Variants in ODF2 observed in about 807,000 individuals in gnomAD.
The protein encoded by ODF2 is outer dense fiber of sperm tails 2, also known as outer dense fiber protein 2.
ODF2 carries 47 observed loss-of-function variants against 110.2 expected under a neutral mutation model. That is an observed-to-expected ratio of 0.43 (90% CI 0.34 to 0.54). The LOEUF (loss-of-function observed/expected upper bound fraction) is 0.54, where lower values mean the gene tolerates loss of function less well. ODF2 is among the 20% of genes least tolerant of loss of function. The pLI, the probability that ODF2 is intolerant of heterozygous loss-of-function variation, is 0.03. For synonymous variants in ODF2, 352 were observed against 397.7 expected (o/e 0.89, Z 1.37); for missense variants, 812 against 1,054.5 (o/e 0.77, Z 3.19).
intron 3 of ODF2, 133 bp from the exon 3 acceptor site, chr9:128,460,417 T>C: frequency 6.8e-7 from 1 of 1,468,792 alleles, no homozygotes; most frequent in Non-Finnish European, 9.1e-7. Flanking sequence ...TGCATGCCAG[T>C]AGTTGGTAGC....
chr9:128,481,521 T>C (rs1388766360), intron 8 of ODF2, 59 bp from the exon 9 acceptor site: 1 of 1,294,240 alleles, frequency 7.7e-7, no homozygotes, highest in Non-Finnish European at 1.1e-6. Flanking sequence ...ATCAATAAAA[T>C]GTAGACATCT....
At chr9:128,471,243 C>A in intron 5 of ODF2, 65 bp from the exon 6 acceptor site, 1 of 1,498,180 alleles carries the variant, frequency 6.7e-7, no homozygotes, top group Non-Finnish European at 9.0e-7. Flanking sequence ...AAGCATTGAG[C>A]CTAGCAATGT....
chr9:128,457,573 T>A, intron 2 of ODF2: 1 of 1,170,538 alleles, frequency 8.5e-7, no homozygotes, highest in Non-Finnish European at 1.2e-6. Context: ...TTAAAAATCG[T>A]TTTTAAAGGG....
chr9:128,476,188 A>G (rs1841222387), intron 8 of ODF2, among the ~76,000 whole-genome samples: 1 of 152,190 alleles, frequency 6.6e-6, no homozygotes, highest in Admixed American at 6.6e-5. Flanking sequence ...AATATTGCAG[A>G]AAAGACTGAC....
intron 3 of ODF2, among the ~76,000 whole-genome samples, chr9:128,459,907 A>C (rs1835971703): frequency 6.6e-6 from 1 of 152,138 alleles, no homozygotes; most frequent in African/African-American, 2.4e-5. Flanking sequence ...GAGATTTTTA[A>C]AATAAAGGAA....
At chr9:128,460,161 A>T (rs542569772) in intron 3 of ODF2, 1 of 1,298,476 alleles carries the variant, frequency 7.7e-7, no homozygotes, top group East Asian at 5.4e-5. Context: ...TGCCCAGTTG[A>T]GATCACTGTG....
chr9:128,457,158 C>A, intron 1 of ODF2: 1 of 1,499,446 alleles, frequency 6.7e-7, no homozygotes, highest in Non-Finnish European at 8.9e-7. Context: ...CCTCTGCCCC[C>A]AGGTCGCTCA....
At chr9:128,465,773 A>G (rs1393255471) in intron 4 of ODF2, among the ~76,000 whole-genome samples, 2 of 151,612 alleles carry the variant, frequency 1.3e-5, no homozygotes, top group Admixed American at 6.6e-5. Context: ...ATTTTTATTT[A>G]GGGAAATTTG....
At position 128,485,542 on chromosome 9, in the gene ODF2, C is replaced by T; in HGVS notation, c.1400+68C>T. On this transcript the variant is annotated intron_variant, in intron 13 of 20. Transcript: ENST00000604420. This position sits in a 1 kb window ranked among gnomAD's most constrained non-coding sequence, Gnocchi z 5.0. ...ACTTGGGTGTGCAGGTGGGAGGGGC[C>T]TAGTGGCTCAGGGAAGGCCACGTGG... The T allele has an allele frequency of 2.3e-6, 2 of 872,506 alleles. No homozygotes were observed. Among genetic ancestry groups the T allele is most frequent in the Admixed American group, 2.0e-5 (1 of 49,500 alleles). The allele number at this position is 872,506 out of a possible 1,614,324, so 54.0% of individuals were successfully genotyped here.
At chr9:128,500,018 C>T (rs1846286500) in intron 20 of ODF2, 49 bp from the exon 21 acceptor site, 1 of 1,603,536 alleles carries the variant, frequency 6.2e-7, no homozygotes, top group Non-Finnish European at 8.5e-7. Context: ...CTATGGATTT[C>T]TATTTTGGAC....
chr9:128,485,154 G>A lies in ODF2; in HGVS notation c.1291-211G>A, dbSNP rs1165165097. On this transcript the variant is annotated intron_variant, in intron 12 of 20. Transcript: ENST00000604420. The surrounding 1 kb of genome is among the most constrained non-coding windows in gnomAD (Gnocchi z 5.0). ...GTGGGTGAGAATAATGGTTAAGGAA[G>A]GATTTACAAACAGGATGCATTTGAT... 6.6e-6 allele frequency among the ~76,000 whole-genome samples: 1 copy of A among 152,118 alleles called. No individual in the cohort carries two copies. Among genetic ancestry groups the A allele is most frequent in the East Asian group, 1.9e-4 (1 of 5,188 alleles).
rs958357559 is a variant in ODF2, at chr9:128,485,798, C to T, written c.1400+324C>T. On this transcript the variant is annotated intron_variant, in intron 13 of 20. Coordinates refer to ENST00000604420, the Ensembl canonical transcript of ODF2. This position sits in a 1 kb window ranked among gnomAD's most constrained non-coding sequence, Gnocchi z 5.0. ...TCTACACAGCATTTGAAATGGGCACCGTGGTGTCCTCATTCCTATTGGGGA... is the reference window on the plus strand; with the variant it reads ...TCTACACAGCATTTGAAATGGGCACTGTGGTGTCCTCATTCCTATTGGGGA... Among the ~76,000 whole-genome samples the T allele has an allele frequency of 1.3e-5, 2 of 152,104 alleles. No individual in the cohort carries two copies. Among genetic ancestry groups the T allele is most frequent in the African/African-American group, 2.4e-5 (1 of 41,416 alleles).
At chr9:128,492,021 A>G (rs947997522) in intron 14 of ODF2, among the ~76,000 whole-genome samples, 4 of 151,860 alleles carry the variant, frequency 2.6e-5, no homozygotes, top group African/African-American at 9.7e-5. Context: ...GCCCGCCACC[A>G]CGCCCGGCTA....
Position 128,494,549 on chromosome 9 carries a change from C to A in ODF2, c.1792C>A (p.Gln598Lys), listed in dbSNP as rs1302096455. Residue 598 changes from glutamine (Q) to lysine (K), a missense_variant, in exon 17 of 21, where the codon CAG (glutamine) becomes AAG (lysine). Physicochemically the swap from Gln to Lys is moderately conservative, Grantham distance 53. Around this residue, in one of 5 missense-constraint regions of ODF2, gnomAD observed 165 missense variants for 293.4 expected, o/e 0.56. Coordinates refer to ENST00000604420, the Ensembl canonical transcript of ODF2. This position sits in a 1 kb window ranked among gnomAD's most constrained non-coding sequence, Gnocchi z 4.6. ...CCAGTCTCAGCTGGCTGACCTGCAG[C>A]AGCTCCCTGACATCCTGAAGATCAC... 6.2e-7 allele frequency: 1 copy of A among 1,614,198 alleles called. No individual in the cohort carries two copies. Among genetic ancestry groups the A allele is most frequent in the East Asian group, 2.2e-5 (1 of 44,876 alleles).
chr9:128,496,460 G>A (rs951697158), intron 18 of ODF2, among the ~76,000 whole-genome samples: 1 of 152,208 alleles, frequency 6.6e-6, no homozygotes, highest in Non-Finnish European at 1.5e-5. Context: ...CCAGTATACT[G>A]TGGTGGGGGC....
intron 14 of ODF2, 68 bp from the exon 15 acceptor site, chr9:128,492,358 A>T: frequency 9.7e-7 from 1 of 1,030,132 alleles, no homozygotes; most frequent in Non-Finnish European, 1.5e-6. Flanking sequence ...CTTTGGATAG[A>T]GTTGAGGGTA....
At chr9:128,487,510 G>A (rs1015832781) in intron 13 of ODF2, among the ~76,000 whole-genome samples, 11 of 152,090 alleles carry the variant, frequency 7.2e-5, no homozygotes, top group East Asian at 3.9e-4. Context: ...GTAATTGGCC[G>A]GGTGCGGTGG....
intron 14 of ODF2, among the ~76,000 whole-genome samples, chr9:128,488,468 T>A (rs1564517132): frequency 2.0e-5 from 3 of 152,186 alleles, no homozygotes; most frequent in Non-Finnish European, 4.4e-5. Flanking sequence ...ACTCTGCTGC[T>A]TCCTGGCTGT....
At chr9:128,475,407 T>C (rs909213871) in intron 8 of ODF2, among the ~76,000 whole-genome samples, 3 of 152,194 alleles carry the variant, frequency 2.0e-5, no homozygotes, top group Non-Finnish European at 1.5e-5. Context: ...GTACACAATA[T>C]AGAATGGCTA....
Sources: allele counts gnomAD v4.1 joint callset (sites outside exome capture counted in the v4.1 genomes callset), GRCh38; gene constraint gnomAD v4.1.1; regional missense constraint gnomAD v4.1.1; non-coding constraint Gnocchi (gnomAD v3.1); transcripts MANE v1.5; gene names NCBI Gene and HGNC (gene_info 2026-07-23, HGNC 2026-07-21).